Variants in PTPN21 observed in about 807,000 individuals in gnomAD.
PTPN21 encodes protein tyrosine phosphatase non-receptor type 21, also known as tyrosine-protein phosphatase non-receptor type 21.
Under a neutral mutation model 131.8 loss-of-function variants are expected in PTPN21, and 77 were observed. The ratio of observed to expected loss-of-function variants is 0.58; its 90% CI spans 0.49 to 0.71. PTPN21 has a LOEUF of 0.71. Ranked by LOEUF, PTPN21 falls within the 30% of genes least tolerant of loss-of-function variation. The pLI is 0.00. For missense variants in PTPN21, 1,552 were observed against 1,527.1 expected (o/e 1.02, Z -0.27); for synonymous variants, 715 against 621.3 (o/e 1.15, Z -2.24).
chr14:88,476,805 A>C (rs527569232), intron 13 of PTPN21, among the ~76,000 whole-genome samples: 195 of 152,292 alleles, frequency 1.3e-3, no homozygotes, highest in Non-Finnish European at 2.3e-3. Flanking sequence ...TTTAAGCAAA[A>C]AGGACCAAAA....
chr14:88,509,548 C>T (rs1351118699), intron 3 of PTPN21, among the ~76,000 whole-genome samples: 2 of 152,196 alleles, frequency 1.3e-5, no homozygotes. Context: ...CAGCCAAACC[C>T]ATGGATTTCC....
chr14:88,473,521 T>C (rs958129379), intron 14 of PTPN21, 144 bp downstream of exon 14: 4 of 944,152 alleles, frequency 4.2e-6, no homozygotes, highest in Non-Finnish European at 6.3e-6. Context: ...TGCCCCAATT[T>C]TGAGGCCCAT....
chr14:88,525,501 CATA>C (rs1247212659), intron 2 of PTPN21, among the ~76,000 whole-genome samples: 6 of 152,208 alleles, frequency 3.9e-5, no homozygotes, highest in Middle Eastern at 6.8e-3. Context: ...AACTCAGAAC[CATA>C]ATGAGATACC....
intron 3 of PTPN21, chr14:88,513,570 T>C (rs1377379498): frequency 6.6e-6 from 1 of 152,190 alleles, no homozygotes; most frequent in Non-Finnish European, 1.5e-5. Context: ...TGAAACAAAA[T>C]GTCCTCTTTT....
chr14:88,482,735 AAGG>A (rs1436886321), intron 12 of PTPN21, among the ~76,000 whole-genome samples: 1 of 151,994 alleles, frequency 6.6e-6, no homozygotes, highest in Non-Finnish European at 1.5e-5. Flanking sequence ...TACTGATGGG[AAGG>A]AGGAGGGAAA....
chr14:88,486,216 T>C (rs557128189), intron 10 of PTPN21, among the ~76,000 whole-genome samples: 1 of 152,318 alleles, frequency 6.6e-6, no homozygotes, highest in South Asian at 2.1e-4. Flanking sequence ...CTGGATTCAG[T>C]GCAAATGCAA....
chr14:88,531,733 A>G (rs941836603), intron 2 of PTPN21, among the ~76,000 whole-genome samples: 8 of 152,198 alleles, frequency 5.3e-5, no homozygotes, highest in Non-Finnish European at 1.2e-4. Flanking sequence ...AGAACCAACC[A>G]AACCCAAACC....
At chr14:88,545,742 C>A (rs947405693) in intron 2 of PTPN21, among the ~76,000 whole-genome samples, 2 of 152,156 alleles carry the variant, frequency 1.3e-5, no homozygotes, top group African/African-American at 4.8e-5. Context: ...GCAGACGGAT[C>A]ATGAGGTCAG....
chr14:88,530,988 T>C (rs1300361756), intron 2 of PTPN21, among the ~76,000 whole-genome samples: 1 of 152,156 alleles, frequency 6.6e-6, no homozygotes, highest in Non-Finnish European at 1.5e-5. Context: ...GAATATACAT[T>C]ATTTTCATCA....
At chr14:88,470,347 G>A (rs183510165) in intron 15 of PTPN21, 7 of 353,798 alleles carry the variant, frequency 2.0e-5, no homozygotes, top group African/African-American at 2.1e-5. Context: ...ACTGCCTACC[G>A]TCATAGGGTC....
At chr14:88,544,433 C>T (rs1024729585) in intron 2 of PTPN21, among the ~76,000 whole-genome samples, 1 of 152,122 alleles carries the variant, frequency 6.6e-6, no homozygotes, top group Non-Finnish European at 1.5e-5. Context: ...ATAACAATAA[C>T]ATAACATCAA....
At chr14:88,528,638 C>A (rs2078513508) in intron 2 of PTPN21, among the ~76,000 whole-genome samples, 1 of 152,224 alleles carries the variant, frequency 6.6e-6, no homozygotes, top group African/African-American at 2.4e-5. Flanking sequence ...GAATAAGTCT[C>A]ATGAGATCTG....
chr14:88,485,295 T>C (rs902468340), intron 11 of PTPN21, 135 bp from the exon 12 acceptor site: 40 of 523,388 alleles, frequency 7.6e-5, no homozygotes, highest in Non-Finnish European at 1.2e-4. Flanking sequence ...AAAATAAACA[T>C]GAAGACACAG....
intron 10 of PTPN21, among the ~76,000 whole-genome samples, chr14:88,487,130 TTGTAAC>T (rs1181846142): frequency 6.6e-6 from 1 of 150,906 alleles, no homozygotes; most frequent in Non-Finnish European, 1.5e-5. Context: ...AAAAGCCCAT[TTGTAAC>T]TATTGTTTTC....
chr14:88,478,803 G>A (rs961930230), intron 13 of PTPN21, 117 bp downstream of exon 13: 2 of 563,180 alleles, frequency 3.6e-6, no homozygotes, highest in African/African-American at 1.9e-5. Flanking sequence ...TGACGTGGGG[G>A]AATGAAGAAC....
At chr14:88,512,904 T>A (rs2078207500) in intron 3 of PTPN21, among the ~76,000 whole-genome samples, 1 of 152,208 alleles carries the variant, frequency 6.6e-6, no homozygotes, top group African/African-American at 2.4e-5. Context: ...TTGTCCCACT[T>A]ACAGTGACGC....
intron 10 of PTPN21, among the ~76,000 whole-genome samples, chr14:88,490,219 G>C (rs915524374): frequency 2.6e-5 from 4 of 152,056 alleles, no homozygotes; most frequent in African/African-American, 9.7e-5. Context: ...TTGTTGGCCA[G>C]GCTAGTCTTG....
intron 12 of PTPN21, among the ~76,000 whole-genome samples, chr14:88,484,046 TG>T (rs1429429381): frequency 1.0e-3 from 128 of 125,726 alleles, no homozygotes; most frequent in African/African-American, 3.7e-3. Context: ...GATTCTAAGG[TG>T]TTTTTTTTTT....
rs1463781406 is a variant in PTPN21, at chr14:88,466,193, TA to T, written c.*1943del. The T allele has an allele frequency of 1.1e-4, 17 of 152,196 alleles. No homozygotes were observed. The highest frequency in any genetic ancestry group is 3.9e-4 in the African/African-American group (16 of 41,448). The allele number at this position is 152,196 out of a possible 1,614,324, so 9.4% of individuals were successfully genotyped here. ...ATTTTCACTTAGTTCTACTGTTCTT[TA>T]AACAGGACTTTAAAAAGAATTTTGT... On this transcript the variant is annotated 3_prime_UTR_variant, in exon 19 of 19. Coordinates refer to ENST00000556564, the MANE Select transcript of PTPN21 (RefSeq NM_007039.4).
Sources: gnomAD v4.1 joint callset for allele counts (sites outside exome capture counted in the v4.1 genomes callset) on GRCh38, gnomAD v4.1.1 for gene constraint, MANE v1.5 for transcripts, NCBI Gene and HGNC (gene_info 2026-07-23, HGNC 2026-07-21) for gene names.